The following FBLN1 variants were observed in gnomAD, a reference collection of about 807,000 sequenced individuals.
FBLN1 encodes fibulin-1.
A neutral mutation model predicts 89.7 loss-of-function variants in FBLN1; 34 were observed. The ratio of observed to expected loss-of-function variants is 0.38; its 90% CI spans 0.29 to 0.50. FBLN1 has a LOEUF of 0.50. FBLN1 is among the 20% of genes least tolerant of loss of function. The probability of loss-of-function intolerance (pLI) is 0.92; values close to 1 mark genes in which losing one functional copy is unlikely to be tolerated. For missense variants in FBLN1, 777 were observed against 988.1 expected (o/e 0.79, Z 2.86); for synonymous variants, 393 against 391.3 (o/e 1.00, Z -0.05).
At chr22:45,554,193 T>G (rs913198915) in intron 14 of FBLN1, among the ~76,000 whole-genome samples, 8 of 152,234 alleles carry the variant, frequency 5.3e-5, no homozygotes, top group Non-Finnish European at 7.3e-5. Context: ...AAGGAAAGTC[T>G]GCTGCTTGCA....
intron 4 of FBLN1, among the ~76,000 whole-genome samples, chr22:45,529,601 C>T (rs980689594): frequency 6.6e-6 from 1 of 152,164 alleles, no homozygotes; most frequent in Non-Finnish European, 1.5e-5. Flanking sequence ...CACGGTGGCT[C>T]ACGCCTGTAA....
At chr22:45,547,252 C>A in intron 12 of FBLN1, 48 bp downstream of exon 12, 1 of 1,608,874 alleles carries the variant, frequency 6.2e-7, no homozygotes, top group Non-Finnish European at 8.5e-7. Flanking sequence ...CCTGGTCTTG[C>A]CATGACACAG....
intron 14 of FBLN1, among the ~76,000 whole-genome samples, chr22:45,571,431 T>C (rs1413706059): frequency 6.6e-6 from 1 of 152,232 alleles, no homozygotes; most frequent in Non-Finnish European, 1.5e-5. Context: ...GAGTATAGTA[T>C]GAATTACTGG....
chr22:45,574,777 CT>C lies in FBLN1; in HGVS notation c.1840+146del, dbSNP rs756869112. On this transcript the variant is annotated intron_variant, in intron 15 of 16. Coordinates refer to ENST00000327858, the MANE Select transcript of FBLN1 (RefSeq NM_006486.3). The surrounding 1 kb of genome is among the most constrained non-coding windows in gnomAD (Gnocchi z 4.1). ...CCCAGGCTTTGAAATGCAGAACTTT[CT>C]TTTTTTTTTTTTTTTTTTTTTGAGA... 57,177 of 438,034 alleles carry C rather than the reference CT, an allele frequency of 0.13. No homozygotes were observed. Among genetic ancestry groups the C allele is most frequent in the South Asian group, 0.15 (6,283 of 40,734 alleles). The allele number at this position is 438,034 out of a possible 1,614,324, so 27.1% of individuals were successfully genotyped here.
rs1447609700 is a variant in FBLN1, at chr22:45,502,903, C to G, written c.-83C>G. ...CCAGCGTTGGCTGCCGAGGCTCGGCCGGAGCGTGGAGCCCGCGCCGCTGCC... is the reference window on the plus strand; with the variant it reads ...CCAGCGTTGGCTGCCGAGGCTCGGCGGGAGCGTGGAGCCCGCGCCGCTGCC... On this transcript the variant is annotated 5_prime_UTR_variant, in exon 1 of 17. Coordinates refer to ENST00000327858, the MANE Select transcript of FBLN1 (RefSeq NM_006486.3). 2.0e-6 allele frequency: 1 copy of G among 500,858 alleles called. No homozygotes were observed. The highest frequency in any genetic ancestry group is 2.1e-5 in the African/African-American group (1 of 47,942). 31.0% of individuals were successfully genotyped at this position (500,858 alleles called of 1,614,324 possible).
Position 45,597,142 on chromosome 22 carries a change from A to G in FBLN1, c.1973-3165A>G, listed in dbSNP as rs1471453341. 2.6e-5 allele frequency among the ~76,000 whole-genome samples: 4 copies of G among 151,756 alleles called. No individual in the cohort carries two copies. The highest frequency in any genetic ancestry group is 2.4e-5 in the African/African-American group (1 of 41,348). On this transcript the variant is annotated intron_variant, in intron 16 of 16. Coordinates refer to ENST00000327858, the MANE Select transcript of FBLN1 (RefSeq NM_006486.3). This position sits in a 1 kb window ranked among gnomAD's most constrained non-coding sequence, Gnocchi z 4.2. ...CTCAGCCTCCTGAGTAGCTGGGACT[A>G]TAAGCACACACCACCATGCCTGGCT... is the stretch of plus-strand genomic sequence containing the variant.
In FBLN1 at chr22:45,597,394, A is replaced by G. The variant is rs2089196411; in HGVS notation, c.1973-2913A>G. 6.6e-6 allele frequency among the ~76,000 whole-genome samples: 1 copy of G among 152,128 alleles called. No homozygotes were observed. The highest frequency in any genetic ancestry group is 2.1e-4 in the South Asian group (1 of 4,830). ...CTCACCCAGCCTCTCCTTCTCCTTC[A>G]AGCCCCAAACCTCTGAATGCCAGGA... On this transcript the variant is annotated intron_variant, in intron 16 of 16. Coordinates refer to ENST00000327858, the MANE Select transcript of FBLN1 (RefSeq NM_006486.3). This position sits in a 1 kb window ranked among gnomAD's most constrained non-coding sequence, Gnocchi z 4.2.
chr22:45,517,988 C>A (rs1301361323), intron 1 of FBLN1, among the ~76,000 whole-genome samples: 1 of 151,852 alleles, frequency 6.6e-6, no homozygotes, highest in Non-Finnish European at 1.5e-5. Flanking sequence ...AAAAAGTAGC[C>A]GGGCGTAGTG....
At chr22:45,524,241 C>G (rs1448788429) in intron 2 of FBLN1, among the ~76,000 whole-genome samples, 1 of 152,216 alleles carries the variant, frequency 6.6e-6, no homozygotes, top group Non-Finnish European at 1.5e-5. Context: ...GGCCCCCACC[C>G]TCTCTCCTGG....
chr22:45,577,229 C>T lies in FBLN1; in HGVS notation c.1972+121C>T, dbSNP rs1336604114. On this transcript the variant is annotated intron_variant, in intron 16 of 16. Coordinates refer to ENST00000327858, the MANE Select transcript of FBLN1 (RefSeq NM_006486.3). This position sits in a 1 kb window ranked among gnomAD's most constrained non-coding sequence, Gnocchi z 6.6. ...CCCAAATTCAAGCCCACCCAACCTT[C>T]AGGGCCCAGCGCCGAGGCCACCACA... is the stretch of plus-strand genomic sequence containing the variant. 1.7e-6 allele frequency: 2 copies of T among 1,159,200 alleles called. No homozygotes were observed. The highest frequency in any genetic ancestry group is 2.5e-6 in the Non-Finnish European group (2 of 797,828). 71.8% of individuals were successfully genotyped at this position (1,159,200 alleles called of 1,614,324 possible).
At chr22:45,582,372 G>A (rs1601537659) in intron 16 of FBLN1, among the ~76,000 whole-genome samples, 1 of 152,214 alleles carries the variant, frequency 6.6e-6, no homozygotes, top group Non-Finnish European at 1.5e-5. Flanking sequence ...CCCTGATGAG[G>A]AAAGACCTCC....
rs1399137859 is a variant in FBLN1 at position 45,518,138 on chromosome 22, A to AG, written c.80-544_80-543insG. On this transcript the variant is annotated intron_variant, in intron 1 of 16. Transcript: ENST00000327858. ...CAGAGACTCTGTCTCAAAAAAAAAA[A>AG]AAAAGAAAAAAAAAGAAAATTTTTT... Among the ~76,000 whole-genome samples the AG allele has an allele frequency of 2.6e-5, 4 of 151,276 alleles. No individual in the cohort carries two copies. In the East Asian group the frequency reaches 7.7e-4, roughly 29 times the overall value.
intron 16 of FBLN1, among the ~76,000 whole-genome samples, chr22:45,599,734 A>G (rs574088912): frequency 6.6e-6 from 1 of 152,182 alleles, no homozygotes; most frequent in African/African-American, 2.4e-5. Flanking sequence ...CCTGATCAAC[A>G]TGGAGAAACC....
At chr22:45,555,248 C>CATATATATATATATATATATATATATAT (rs71779159) in intron 14 of FBLN1, among the ~76,000 whole-genome samples, 143 of 135,006 alleles carry the variant, frequency 1.1e-3, no homozygotes, top group Middle Eastern at 3.8e-3. Context: ...ATGGAATATA[C>CATATATATATATATATATATATATATAT]ATATATATAT....
chr22:45,523,769 T>C (rs1007669239), intron 2 of FBLN1, among the ~76,000 whole-genome samples: 4 of 152,202 alleles, frequency 2.6e-5, no homozygotes, highest in African/African-American at 9.7e-5. Flanking sequence ...TGCAAGTATC[T>C]GTTTGAAACC....
chr22:45,543,350 G>A (rs753480126), intron 10 of FBLN1, 51 bp from the exon 11 acceptor site: 7 of 1,604,946 alleles, frequency 4.4e-6, no homozygotes, highest in South Asian at 3.3e-5. Context: ...GGTGGAGTGT[G>A]GTGCCACTGT....
At chr22:45,560,583 A>G (rs563487378) in intron 14 of FBLN1, among the ~76,000 whole-genome samples, 1 of 152,292 alleles carries the variant, frequency 6.6e-6, no homozygotes, top group East Asian at 1.9e-4. Context: ...TAACTCCCCG[A>G]GTTGCAACAT....
Position 45,574,490 on chromosome 22 carries a change from G to C in FBLN1, c.1698-21G>C. ...CTGTCCCAGCTTCCCCGTCAGCCTC[G>C]TGTGCTGTGGTTCCCCTCAGGCTCC... On this transcript the variant is annotated intron_variant, in intron 14 of 16. Coordinates refer to ENST00000327858, the MANE Select transcript of FBLN1 (RefSeq NM_006486.3). This position sits in a 1 kb window ranked among gnomAD's most constrained non-coding sequence, Gnocchi z 4.1. 6.2e-7 allele frequency: 1 copy of C among 1,613,948 alleles called. No individual in the cohort carries two copies. The highest frequency in any genetic ancestry group is 1.7e-5 in the Admixed American group (1 of 60,020).
Position 45,532,778 on chromosome 22 carries a change from G to GT in FBLN1, c.545-285_545-284insT. On this transcript the variant is annotated intron_variant, in intron 5 of 16. Coordinates refer to ENST00000327858, the MANE Select transcript of FBLN1 (RefSeq NM_006486.3). The surrounding 1 kb of genome is among the most constrained non-coding windows in gnomAD (Gnocchi z 4.2). ...TGTGACCGGCAGTGAGCTCTTCTCT[G>GT]CTTCGCCCCTTCCAGGTCCACCCCA... The GT allele has an allele frequency of 1.9e-6, 1 of 526,954 alleles. No homozygotes were observed. The allele number at this position is 526,954 out of a possible 1,614,324, so 32.6% of individuals were successfully genotyped here.
Sources: gnomAD v4.1 joint callset for allele counts (sites outside exome capture counted in the v4.1 genomes callset) on GRCh38, gnomAD v4.1.1 for gene constraint, Gnocchi (gnomAD v3.1) non-coding constraint, MANE v1.5 for transcripts, NCBI Gene and HGNC (gene_info 2026-07-23, HGNC 2026-07-21) for gene names.